Variants in AP4E1 observed in about 807,000 individuals in gnomAD.
The protein encoded by AP4E1 is AP-4 complex subunit epsilon-1.
In AP4E1, 56 loss-of-function variants were observed where a neutral mutation model predicts 128.2. That is an observed-to-expected ratio of 0.44 (90% CI 0.35 to 0.55). AP4E1 has a LOEUF of 0.55. AP4E1 is among the 20% of genes least tolerant of loss of function. AP4E1 has a pLI of 0.00. For missense variants in AP4E1, 1,324 were observed against 1,307.7 expected, an observed-to-expected ratio of 1.01 and a Z score of -0.19; for synonymous variants, 484 against 473.1, an observed-to-expected ratio of 1.02 and a Z score of -0.30.
At chr15:50,931,312 G>A (rs1157818203) in intron 7 of AP4E1, among the ~76,000 whole-genome samples, 1 of 18,750 alleles carries the variant, frequency 5.3e-5, no homozygotes, top group African/African-American at 2.5e-4. Context: ...GCTCACGCCT[G>A]TAATCCCAGC....
At chr15:50,998,211 G>A (rs1040378376) in intron 18 of AP4E1, among the ~76,000 whole-genome samples, 8 of 152,182 alleles carry the variant, frequency 5.3e-5, no homozygotes, top group African/African-American at 1.9e-4. Context: ...TTTATAATGA[G>A]ATTTGACTAG....
intron 15 of AP4E1, among the ~76,000 whole-genome samples, chr15:50,974,678 C>CA (rs1190006704): frequency 6.6e-6 from 1 of 152,176 alleles, no homozygotes; most frequent in Middle Eastern, 3.2e-3. Flanking sequence ...TCCTTCCTGA[C>CA]ACGTTATGTT....
chr15:50,958,085 G>T (rs1386064954), intron 13 of AP4E1, among the ~76,000 whole-genome samples: 1 of 152,112 alleles, frequency 6.6e-6, no homozygotes, highest in African/African-American at 2.4e-5. Context: ...ATATCTGGGG[G>T]TGGAGCCTAG....
intron 17 of AP4E1, among the ~76,000 whole-genome samples, chr15:50,996,452 G>C (rs1426503578): frequency 6.6e-6 from 1 of 152,130 alleles, no homozygotes; most frequent in Non-Finnish European, 1.5e-5. Flanking sequence ...TCTGAATTTG[G>C]AGGTAAGAGA....
At chr15:50,947,777 G>C (rs1393213052) in intron 10 of AP4E1, among the ~76,000 whole-genome samples, 1 of 152,148 alleles carries the variant, frequency 6.6e-6, no homozygotes, top group Admixed American at 6.5e-5. Context: ...GAGATGTCAG[G>C]TTGTGATTAT....
chr15:50,931,081 G>A (rs2063830069), intron 7 of AP4E1, 110 bp downstream of exon 7: 1 of 1,326,766 alleles, frequency 7.5e-7, no homozygotes, highest in South Asian at 1.2e-5. Context: ...ATGTTTAATT[G>A]GCTTAATAGT....
At chr15:50,923,821 G>C (rs2063736767) in intron 3 of AP4E1, 110 bp from the exon 4 acceptor site, 1 of 800,724 alleles carries the variant, frequency 1.2e-6, no homozygotes, top group Non-Finnish European at 2.1e-6. Flanking sequence ...TTGTGTTTCT[G>C]TTTACTTGTA....
At chr15:50,911,490 T>A (rs969053494) in intron 1 of AP4E1, among the ~76,000 whole-genome samples, 16 of 150,776 alleles carry the variant, frequency 1.1e-4, no homozygotes, top group African/African-American at 3.9e-4. Flanking sequence ...TTTTTTTTTT[T>A]TTTTTTTTTT....
chr15:50,982,086 C>CAAAAAAAAA lies in AP4E1; in HGVS notation c.1967-1921_1967-1913dup, dbSNP rs55717107. ...GGCAATAAGAGCAAAACTCCCATCTCAAAAAAAAAAAAAAAAAAAAAAAGC... is the reference window on the plus strand; with the variant it reads ...GGCAATAAGAGCAAAACTCCCATCTCAAAAAAAAAAAAAAAAAAAAAAAAAAAAAAAAGC... On this transcript the variant is annotated intron_variant, in intron 15 of 20. Coordinates refer to ENST00000261842, the MANE Select transcript of AP4E1 (RefSeq NM_007347.5). Among the ~76,000 whole-genome samples the CAAAAAAAAA allele has an allele frequency of 1.2e-4, 6 of 49,282 alleles. 2 individuals carry two copies. Among genetic ancestry groups the CAAAAAAAAA allele is most frequent in the African/African-American group, 1.6e-4 (2 of 12,354 alleles). 32.3% of individuals were successfully genotyped at this position (49,282 alleles called of 152,430 possible).
At chr15:50,945,052 A>C in intron 10 of AP4E1, 2 of 779,790 alleles carry the variant, frequency 2.6e-6, no homozygotes, top group South Asian at 2.7e-5. Flanking sequence ...GGTGGTGACA[A>C]AACTGTGAAA....
chr15:50,945,681 T>A, intron 10 of AP4E1: 1 of 785,580 alleles, frequency 1.3e-6, no homozygotes, highest in Admixed American at 1.7e-5. Context: ...GCAAGTATAT[T>A]ATGTGTGGAT....
At chr15:50,969,929 G>A (rs950981662) in intron 15 of AP4E1, among the ~76,000 whole-genome samples, 12 of 152,128 alleles carry the variant, frequency 7.9e-5, no homozygotes, top group African/African-American at 2.9e-4. Flanking sequence ...AAAGTGCTGG[G>A]ACTACCGGCG....
At chr15:50,974,323 G>A (rs914168257) in intron 15 of AP4E1, among the ~76,000 whole-genome samples, 3 of 147,732 alleles carry the variant, frequency 2.0e-5, no homozygotes, top group Admixed American at 1.4e-4. Flanking sequence ...CTGGAGTGCA[G>A]TAGAACGATC....
At chr15:50,957,671 C>CTTTTTTTTTT (rs61656848) in intron 13 of AP4E1, among the ~76,000 whole-genome samples, 2 of 88,006 alleles carry the variant, frequency 2.3e-5, no homozygotes, top group African/African-American at 9.8e-5. Flanking sequence ...ACAAGCGTTT[C>CTTTTTTTTTT]TTTTTTTTTT....
intron 3 of AP4E1, among the ~76,000 whole-genome samples, chr15:50,921,395 C>T (rs1012757808): frequency 1.3e-5 from 2 of 151,910 alleles, no homozygotes; most frequent in African/African-American, 2.4e-5. Flanking sequence ...GTCACCCAGG[C>T]TGGAGTGCAG....
At chr15:50,999,010 G>A in intron 18 of AP4E1, 62 bp from the exon 19 acceptor site, 1 of 1,465,580 alleles carries the variant, frequency 6.8e-7, no homozygotes, top group Non-Finnish European at 9.5e-7. Context: ...AAAATTGGTA[G>A]TCATGTAATA....
chr15:50,908,583 C>G, upstream of AP4E1: 1 of 632,824 alleles, frequency 1.6e-6, no homozygotes, highest in Non-Finnish European at 2.4e-6. Context: ...GCCTTTTCCA[C>G]CCCCGCGGTC....
chr15:50,934,916 T>C (rs1203469085), intron 8 of AP4E1, among the ~76,000 whole-genome samples: 1 of 152,116 alleles, frequency 6.6e-6, no homozygotes, highest in Non-Finnish European at 1.5e-5. Flanking sequence ...AAGTTTATTA[T>C]TATAATTGTC....
chr15:50,915,530 T>A lies in AP4E1; in HGVS notation c.305T>A (p.Ile102Asn), dbSNP rs1421365787. The change falls in exon 3 of 21, where the codon ATC becomes AAC. Residue 102 changes from isoleucine (I) to asparagine (N), a missense_variant. Physicochemically the swap from Ile to Asn is moderately radical, Grantham distance 149. Coordinates refer to ENST00000261842, the MANE Select transcript of AP4E1 (RefSeq NM_007347.5). ...YDASFGYIHA[I>N]KLAQQGNLLE... ...GCTTCCTTTGGCTATATTCATGCAA[T>A]CAAGTTAGCCCAACAAGGAAACCTC... 1.2e-6 allele frequency: 2 copies of A among 1,613,640 alleles called. No individual in the cohort carries two copies. The highest frequency in any genetic ancestry group is 1.7e-6 in the Non-Finnish European group (2 of 1,179,746).
Sources: gnomAD v4.1 joint callset for allele counts (sites outside exome capture counted in the v4.1 genomes callset) on GRCh38, gnomAD v4.1.1 for gene constraint, MANE v1.5 for transcripts, NCBI Gene and HGNC (gene_info 2026-07-23, HGNC 2026-07-21) for gene names.